FCER1G: variants seen among roughly 807,000 people sequenced by gnomAD.
FCER1G encodes the protein Fc epsilon receptor Ig.
Under a neutral mutation model 17.3 loss-of-function variants are expected in FCER1G, and 7 were observed. The ratio of observed to expected loss-of-function variants is 0.40; its 90% CI spans 0.23 to 0.76. The LOEUF (loss-of-function observed/expected upper bound fraction) is 0.76, where lower values mean the gene tolerates loss of function less well. Ranked by LOEUF, FCER1G falls within the 30% of genes least tolerant of loss-of-function variation. FCER1G has a pLI of 0.35. For missense variants in FCER1G, 87 were observed against 97.7 expected, an observed-to-expected ratio of 0.89 and a Z score of 0.46; for synonymous variants, 35 against 38.7, an observed-to-expected ratio of 0.90 and a Z score of 0.35.
At position 161,217,956 on chromosome 1, in the gene FCER1G, C is replaced by T. The variant is rs550396010; in HGVS notation, c.50-30C>T. On this transcript the variant is annotated intron_variant, in intron 1 of 4. Coordinates refer to ENST00000289902, the MANE Select transcript of FCER1G (RefSeq NM_004106.2). ...AGTACCAGATCCTCCCTGATACCCC[C>T]GACCCCATGGGCATCCTCTATCCCC... The T allele has an allele frequency of 2.3e-4, 343 of 1,494,996 alleles. 1 individual carries two copies. The South Asian group carries it at 3.4e-3, about 15-fold the overall frequency. 92.6% of individuals were successfully genotyped at this position (1,494,996 alleles called of 1,614,324 possible). A position where few individuals can be genotyped will look rare whatever the true frequency, so the allele number is the denominator to read the frequency against.
In FCER1G at chr1:161,218,974, T is replaced by C. The variant is rs765777454; in HGVS notation, c.*31T>C. On this transcript the variant is annotated 3_prime_UTR_variant, in exon 5 of 5. Transcript: ENST00000289902. ...GAATAGATGCGGTCATATTCTTCTT[T>C]GGCTTCTGGTTCTTCCAGCCCTCAT... The C allele has an allele frequency of 1.3e-6, 2 of 1,570,978 alleles. No individual in the cohort carries two copies. The highest frequency in any genetic ancestry group is 4.5e-5 in the East Asian group (2 of 44,702).
intron 3 of FCER1G, 135 bp downstream of exon 3, chr1:161,218,411 T>C (rs904587260): frequency 1.3e-6 from 1 of 759,146 alleles, no homozygotes. Flanking sequence ...GAGGCCTCCC[T>C]CCCACCTTAC....
At chr1:161,215,913 C>T (rs542454981) in intron 1 of FCER1G, among the ~76,000 whole-genome samples, 106 of 151,796 alleles carry the variant, frequency 7.0e-4, no homozygotes, top group Non-Finnish European at 1.2e-3. Flanking sequence ...TAAAAAAAGA[C>T]AGGGTCTTAC....
intron 3 of FCER1G, 66 bp from the exon 4 acceptor site, chr1:161,218,637 G>T (rs1666099101): frequency 1.3e-6 from 2 of 1,579,456 alleles, no homozygotes; most frequent in Non-Finnish European, 1.7e-6. Context: ...CCCTGGGTGG[G>T]GCAGATGCTG....
chr1:161,218,815 C>T, intron 4 of FCER1G, 66 bp from the exon 5 acceptor site: 2 of 1,570,034 alleles, frequency 1.3e-6, no homozygotes, highest in Admixed American at 1.7e-5. Flanking sequence ...GAGGGGGGTC[C>T]TGTGGAGGTG....
chr1:161,217,963 A>G (rs1408478569), intron 1 of FCER1G, 23 bp from the exon 2 acceptor site: 3 of 1,544,110 alleles, frequency 1.9e-6, no homozygotes, highest in Non-Finnish European at 2.7e-6. Flanking sequence ...CCCCGACCCC[A>G]TGGGCATCCT....
In FCER1G at chr1:161,218,713, G is replaced by A. The variant is rs753109167; in HGVS notation, c.188G>A (p.Gly63Asp). 1 of 1,614,044 alleles carries A rather than the reference G, an allele frequency of 6.2e-7. No individual in the cohort carries two copies. Among genetic ancestry groups the A allele is most frequent in the East Asian group, 2.2e-5 (1 of 44,880 alleles). The change falls in exon 4 of 5, where the codon GGT becomes GAT. Residue 63 changes from glycine (G) to aspartate (D), a missense_variant. Coordinates refer to ENST00000289902, the MANE Select transcript of FCER1G (RefSeq NM_004106.2). Reference sequence around the variant, plus strand: ...CTTTTGTCTCTGCAGAAATCAGATGGTGTTTACACGGTAAGTGTGCCTACC... The same window carrying A: ...CTTTTGTCTCTGCAGAAATCAGATGATGTTTACACGGTAAGTGTGCCTACC... ...AAITSYEKSDGVYTGLSTRNQ... is the reference protein window; with the variant it reads ...AAITSYEKSDDVYTGLSTRNQ...
intron 1 of FCER1G, 40 bp downstream of exon 1, chr1:161,215,410 G>A: frequency 6.3e-7 from 1 of 1,590,934 alleles, no homozygotes; most frequent in Non-Finnish European, 8.6e-7. Flanking sequence ...GCTGGCTCCA[G>A]GGTGGAAGTC....
rs756543032 is a variant in FCER1G, at chr1:161,218,868, C to A, written c.199-13C>A. The A allele has an allele frequency of 3.1e-6, 5 of 1,612,652 alleles. No homozygotes were observed. The highest frequency in any genetic ancestry group is 4.2e-6 in the Non-Finnish European group (5 of 1,178,684). On this transcript the variant is annotated splice_polypyrimidine_tract_variant and intron_variant, in intron 4 of 4. Transcript: ENST00000289902. ...ACTCCAGCTCCTGATCGCCCTTTGA[C>A]TCCCATCTCCAGGGCCTGAGCACCA...
rs1666083844 is a variant in FCER1G at position 161,218,018 on chromosome 1, C to G, written c.82C>G (p.Leu28Val). 1 of 1,613,990 alleles carries G rather than the reference C, an allele frequency of 6.2e-7. No individual in the cohort carries two copies. The highest frequency in any genetic ancestry group is 1.3e-5 in the African/African-American group (1 of 75,018). The change falls in exon 2 of 5, where the codon CTG becomes GTG. Residue 28 changes from leucine to valine, a missense_variant. Leu to Val is a conservative substitution (Grantham distance 32). Transcript: ENST00000289902. Reference sequence around the variant, plus strand: ...GGGAGAGCCTCAGCTCTGCTATATCCTGGATGCCATCCTGTTTCTGTATGG... The same window carrying G: ...GGGAGAGCCTCAGCTCTGCTATATCGTGGATGCCATCCTGTTTCTGTATGG... ...ALGEPQLCYI[L>V]DAILFLYGIV...
At chr1:161,216,260 C>T (rs1351333920) in intron 1 of FCER1G, among the ~76,000 whole-genome samples, 1 of 149,826 alleles carries the variant, frequency 6.7e-6, no homozygotes, top group Non-Finnish European at 1.5e-5. Flanking sequence ...TGCAGTGAGC[C>T]AAGATCGCAC....
Position 161,218,935 on chromosome 1 carries a change from C to T in FCER1G, c.253C>T (p.Pro85Ser). Residue 85 changes from proline to serine, a missense_variant, in exon 5 of 5, where the codon CCA becomes TCA. By Grantham distance (74) the Pro-to-Ser change is moderately conservative. Coordinates refer to ENST00000289902, the MANE Select transcript of FCER1G (RefSeq NM_004106.2). ...TYETLKHEKP[P>S]Q ...CGAGACTCTGAAGCATGAGAAACCA[C>T]CACAGTAGCTTTAGAATAGATGCGG... The T allele has an allele frequency of 6.2e-7, 1 of 1,612,886 alleles. No individual in the cohort carries two copies.
rs1313107432 is a variant in FCER1G, at chr1:161,218,699, G to A, written c.178-4G>A. 6.2e-7 allele frequency: 1 copy of A among 1,613,956 alleles called. No individual in the cohort carries two copies. Among genetic ancestry groups the A allele is most frequent in the Non-Finnish European group, 8.5e-7 (1 of 1,179,920 alleles). ...TTAATGTTTTGCTTCTTTTGTCTCT[G>A]CAGAAATCAGATGGTGTTTACACGG... On this transcript the variant is annotated splice_region_variant and splice_polypyrimidine_tract_variant and intron_variant, in intron 3 of 4. Coordinates refer to ENST00000289902, the MANE Select transcript of FCER1G (RefSeq NM_004106.2).
In FCER1G at chr1:161,218,723, G is replaced by A. The variant is rs778377623; in HGVS notation, c.198G>A (p.Thr66=). Residue 66 remains threonine (T), a splice_region_variant and synonymous_variant, in exon 4 of 5, where the codon ACG becomes ACA. Coordinates refer to ENST00000289902, the MANE Select transcript of FCER1G (RefSeq NM_004106.2). ...TSYEKSDGVY[T]GLSTRNQETY... is the part of the protein sequence containing the mutation. The stretch of plus-strand genomic sequence containing the variant: ...TGCAGAAATCAGATGGTGTTTACAC[G>A]GTAAGTGTGCCTACCTCCCCCACCC... The A allele has an allele frequency of 6.8e-6, 11 of 1,613,808 alleles. No homozygotes were observed. Among genetic ancestry groups the A allele is most frequent in the South Asian group, 5.5e-5 (5 of 91,068 alleles).
chr1:161,219,153 ACT>A lies in FCER1G; in HGVS notation c.*215_*216del. The A allele has an allele frequency of 1.8e-6, 1 of 569,306 alleles. No individual in the cohort carries two copies. Among genetic ancestry groups the A allele is most frequent in the Middle Eastern group, 4.5e-4 (1 of 2,202 alleles). The allele number at this position is 569,306 out of a possible 1,614,324, so 35.3% of individuals were successfully genotyped here. A position where few individuals can be genotyped will look rare whatever the true frequency, so the allele number is the denominator to read the frequency against. ...TTACGGATATTTATATTCTAGTCTCACTCTCTTGTCCCACCCTTCTTCTCTTC... is the reference window on the plus strand; with the variant it reads ...TTACGGATATTTATATTCTAGTCTCACTCTTGTCCCACCCTTCTTCTCTTC... On this transcript the variant is annotated 3_prime_UTR_variant, in exon 5 of 5. Coordinates refer to ENST00000289902, the MANE Select transcript of FCER1G (RefSeq NM_004106.2).
At chr1:161,218,343 T>C in intron 3 of FCER1G, 67 bp downstream of exon 3, 2 of 1,412,932 alleles carry the variant, frequency 1.4e-6, no homozygotes, top group Non-Finnish European at 2.0e-6. Context: ...GGCTCTAGCC[T>C]GGGTTTCCGG....
Position 161,219,233 on chromosome 1 carries a change from G to C in FCER1G, c.*290G>C. 2.1e-6 allele frequency: 1 copy of C among 467,358 alleles called. No individual in the cohort carries two copies. The highest frequency in any genetic ancestry group is 4.0e-5 in the East Asian group (1 of 25,172). 29.0% of individuals were successfully genotyped at this position (467,358 alleles called of 1,614,324 possible). ...GGAAGGGAGAACCCCCAATAAAACTGCCATGGACTGGACTCTATTCATTCA... is the reference window on the plus strand; with the variant it reads ...GGAAGGGAGAACCCCCAATAAAACTCCCATGGACTGGACTCTATTCATTCA... On this transcript the variant is annotated 3_prime_UTR_variant, in exon 5 of 5. Coordinates refer to ENST00000289902, the MANE Select transcript of FCER1G (RefSeq NM_004106.2).
intron 1 of FCER1G, among the ~76,000 whole-genome samples, chr1:161,217,352 AG>A (rs796185318): frequency 2.6e-5 from 4 of 151,390 alleles, no homozygotes; most frequent in African/African-American, 9.7e-5. Context: ...TCAGGGCCAA[AG>A]GTATCTGTAA....
intron 1 of FCER1G, among the ~76,000 whole-genome samples, chr1:161,217,442 C>G (rs1666074244): frequency 7.0e-6 from 1 of 142,310 alleles, no homozygotes; most frequent in Admixed American, 7.6e-5. Flanking sequence ...GGACAGAAAG[C>G]AACAAGGCTG....
Sources: allele counts gnomAD v4.1 joint callset (sites outside exome capture counted in the v4.1 genomes callset), GRCh38; gene constraint gnomAD v4.1.1; transcripts MANE v1.5; gene names NCBI Gene and HGNC (gene_info 2026-07-23, HGNC 2026-07-21).